Variants in DENND1A observed in about 807,000 individuals in gnomAD.
DENND1A encodes the protein DENN domain containing 1A, also known as DENN domain-containing protein 1A.
Under a neutral mutation model 113.7 loss-of-function variants are expected in DENND1A, and 51 were observed. That is an observed-to-expected ratio of 0.45 (90% CI 0.36 to 0.57). The LOEUF is 0.57. Ranked by LOEUF, DENND1A falls within the 20% of genes least tolerant of loss-of-function variation. The pLI, the probability that DENND1A is intolerant of heterozygous loss-of-function variation, is 0.00. For missense variants in DENND1A, 1,258 were observed against 1,395.9 expected (o/e 0.90, Z 1.57); for synonymous variants, 565 against 570.8 (o/e 0.99, Z 0.14).
intron 13 of DENND1A, among the ~76,000 whole-genome samples, chr9:123,470,149 T>C (rs1448269971): frequency 1.3e-5 from 2 of 152,112 alleles, no homozygotes; most frequent in Non-Finnish European, 2.9e-5. Context: ...ACAGATACAA[T>C]AGAGGTAATA....
chr9:123,651,178 T>C (rs1232659414), intron 9 of DENND1A, among the ~76,000 whole-genome samples: 3 of 151,730 alleles, frequency 2.0e-5, no homozygotes, highest in Non-Finnish European at 2.9e-5. Flanking sequence ...ACAGCAAAAG[T>C]TATATAGAAA....
intron 2 of DENND1A, among the ~76,000 whole-genome samples, chr9:123,862,162 C>G (rs956558438): frequency 6.6e-6 from 1 of 152,150 alleles, no homozygotes; most frequent in African/African-American, 2.4e-5. Flanking sequence ...AACAAGAGTT[C>G]TTCATCTGAC....
Position 123,656,160 on chromosome 9 carries a change from G to A in DENND1A, c.508-4037C>T, listed in dbSNP as rs184408005. ...GCCTCCAAACAGGGGTTCACTCAGT[G>A]GACCAGGGAAGAAGCATATTCCAGG... On this transcript the variant is annotated intron_variant, in intron 8 of 23. Coordinates refer to ENST00000394215, the MANE Select transcript of DENND1A (RefSeq NM_001352964.2). Among the ~76,000 whole-genome samples, 41 of 152,326 alleles carry A rather than the reference G, an allele frequency of 2.7e-4. No homozygotes were observed. The East Asian group carries it at 7.7e-3, about 29-fold the overall frequency.
intron 2 of DENND1A, among the ~76,000 whole-genome samples, chr9:123,860,793 C>G (rs1358581966): frequency 6.6e-6 from 1 of 152,242 alleles, no homozygotes; most frequent in Non-Finnish European, 1.5e-5. Flanking sequence ...CTCCGCTTTA[C>G]AGTGCTCGGC....
intron 5 of DENND1A, among the ~76,000 whole-genome samples, chr9:123,756,525 C>T (rs1362033205): frequency 6.6e-6 from 1 of 152,212 alleles, no homozygotes; most frequent in African/African-American, 2.4e-5. Context: ...AGCCTCCTTC[C>T]TAAAGCCTCC....
At chr9:123,608,627 A>G (rs1311857043) in intron 11 of DENND1A, among the ~76,000 whole-genome samples, 1 of 152,250 alleles carries the variant, frequency 6.6e-6, no homozygotes, top group East Asian at 1.9e-4. Flanking sequence ...ACAGAAAGCA[A>G]TCTGGCATCC....
chr9:123,806,739 C>T lies in DENND1A; in HGVS notation c.89-14109G>A, dbSNP rs755749270. 7.0e-4 allele frequency among the ~76,000 whole-genome samples: 107 copies of T among 152,252 alleles called. 1 individual carries two copies. The highest frequency in any genetic ancestry group is 1.4e-3 in the Non-Finnish European group (95 of 68,012). ...CACTTTATAAAGGCAAGGATCTTCG[C>T]TTATTTTGTTCACTACTGTATCCCC... On this transcript the variant is annotated intron_variant, in intron 2 of 23. Transcript: ENST00000394215.
At chr9:123,392,033 T>C (rs2042879496) in intron 21 of DENND1A, among the ~76,000 whole-genome samples, 1 of 152,210 alleles carries the variant, frequency 6.6e-6, no homozygotes, top group African/African-American at 2.4e-5. Flanking sequence ...CCCATGCAGA[T>C]GACTTCCCGA....
chr9:123,482,515 G>A (rs1016701980), intron 13 of DENND1A, among the ~76,000 whole-genome samples: 2 of 152,202 alleles, frequency 1.3e-5, no homozygotes, highest in African/African-American at 4.8e-5. Context: ...CTCTGCCTAT[G>A]GGAAGCCTTT....
chr9:123,756,085 A>G (rs888342402), intron 5 of DENND1A, among the ~76,000 whole-genome samples: 3 of 152,046 alleles, frequency 2.0e-5, no homozygotes, highest in Non-Finnish European at 4.4e-5. Context: ...TAATTTTTGT[A>G]TTTTTTAGTT....
intron 12 of DENND1A, among the ~76,000 whole-genome samples, chr9:123,567,012 A>C (rs1242565575): frequency 6.6e-6 from 1 of 152,164 alleles, no homozygotes; most frequent in Non-Finnish European, 1.5e-5. Context: ...ATCTGAGCTC[A>C]AAGTAAATGT....
chr9:123,451,639 G>C (rs1361467396), intron 17 of DENND1A, among the ~76,000 whole-genome samples: 1 of 152,188 alleles, frequency 6.6e-6, no homozygotes, highest in African/African-American at 2.4e-5. Flanking sequence ...CCTGCAGGAA[G>C]GCTTTGCCAG....
At chr9:123,516,884 CAAAAA>C (rs546001517) in intron 13 of DENND1A, among the ~76,000 whole-genome samples, 51 of 93,270 alleles carry the variant, frequency 5.5e-4, no homozygotes, top group African/African-American at 1.6e-3. Context: ...GACTCTGTCT[CAAAAA>C]AAAAAAAAAA....
intron 5 of DENND1A, among the ~76,000 whole-genome samples, chr9:123,698,781 C>G (rs1231664719): frequency 1.3e-5 from 2 of 152,166 alleles, no homozygotes; most frequent in South Asian, 4.1e-4. Context: ...TTGTGCACTG[C>G]TTTGCCCTGC....
chr9:123,465,862 C>A (rs541233884), intron 13 of DENND1A, among the ~76,000 whole-genome samples: 1 of 152,174 alleles, frequency 6.6e-6, no homozygotes, highest in African/African-American at 2.4e-5. Flanking sequence ...TGGCCTTGTG[C>A]AATGCCAGTT....
intron 10 of DENND1A, among the ~76,000 whole-genome samples, chr9:123,615,659 CA>C (rs1163987238): frequency 6.6e-6 from 1 of 152,194 alleles, no homozygotes; most frequent in Non-Finnish European, 1.5e-5. Context: ...TCAGATTGCC[CA>C]GTGGTGGCTA....
chr9:123,446,364 C>G (rs916346823), intron 18 of DENND1A, among the ~76,000 whole-genome samples: 8 of 152,158 alleles, frequency 5.3e-5, no homozygotes, highest in African/African-American at 2.4e-5. Flanking sequence ...AGGGAGCTGA[C>G]AGTTGTGTGA....
chr9:123,684,195 A>C (rs902690484), intron 5 of DENND1A, among the ~76,000 whole-genome samples: 1 of 152,130 alleles, frequency 6.6e-6, no homozygotes, highest in Non-Finnish European at 1.5e-5. Flanking sequence ...CTGAAAACCT[A>C]ATTTTTCAAG....
chr9:123,736,803 C>T (rs2068597607), intron 5 of DENND1A, among the ~76,000 whole-genome samples: 1 of 152,160 alleles, frequency 6.6e-6, no homozygotes, highest in African/African-American at 2.4e-5. Flanking sequence ...ACTGACAACC[C>T]TCATTTTTCA....
Sources: gnomAD v4.1 joint callset for allele counts (sites outside exome capture counted in the v4.1 genomes callset) on GRCh38, gnomAD v4.1.1 for gene constraint, MANE v1.5 for transcripts, NCBI Gene and HGNC (gene_info 2026-07-23, HGNC 2026-07-21) for gene names.